MAST2: variants seen among roughly 807,000 people sequenced by gnomAD.
The protein encoded by MAST2 is microtubule associated serine/threonine kinase 2, also known as microtubule-associated serine/threonine-protein kinase 2.
In MAST2, 70 loss-of-function variants were observed where a neutral mutation model predicts 147.4. The observed-to-expected ratio is 0.47, with a 90% CI of 0.39 to 0.58. The LOEUF is 0.58. MAST2 is among the 20% of genes least tolerant of loss of function. The pLI is 0.00. For synonymous variants in MAST2, 869 were observed against 896.8 expected (o/e 0.97, Z 0.55); for missense variants, 2,080 against 2,302.3 (o/e 0.90, Z 1.98).
intron 27 of MAST2, 23 bp downstream of exon 27, chr1:46,033,961 G>C: frequency 6.2e-7 from 1 of 1,613,402 alleles, no homozygotes; most frequent in South Asian, 1.1e-5. Context: ...CAGTGAAGAG[G>C]GTTTTCTCTG....
chr1:46,023,493 G>A lies in MAST2; in HGVS notation c.1571+175G>A. ...CAGATTCCTCTGACATCCGATCATT[G>A]TTCCTTTCCCAGACAAGATTCCCAC... On this transcript the variant is annotated intron_variant, in intron 14 of 28. Transcript: ENST00000361297. The surrounding 1 kb of genome is among the most constrained non-coding windows in gnomAD (Gnocchi z 4.9). 3.1e-6 allele frequency: 2 copies of A among 647,040 alleles called. No homozygotes were observed. The highest frequency in any genetic ancestry group is 1.9e-5 in the South Asian group (1 of 52,764). The allele number at this position is 647,040 out of a possible 1,614,324, so 40.1% of individuals were successfully genotyped here. A position where few individuals can be genotyped will look rare whatever the true frequency, so the allele number is the denominator to read the frequency against.
intron 1 of MAST2, among the ~76,000 whole-genome samples, chr1:45,810,549 C>T (rs972729071): frequency 6.6e-5 from 10 of 152,008 alleles, no homozygotes; most frequent in Non-Finnish European, 8.8e-5. Context: ...TGGTGGCTCA[C>T]GCCTGTAATC....
intron 4 of MAST2, among the ~76,000 whole-genome samples, chr1:45,900,165 C>T (rs541583215): frequency 1.6e-5 from 1 of 60,946 alleles, no homozygotes; most frequent in Non-Finnish European, 2.9e-5. Flanking sequence ...GCGAGACTCT[C>T]TCTCTCTCAA....
intron 3 of MAST2, among the ~76,000 whole-genome samples, chr1:45,840,080 A>G (rs1219861063): frequency 1.3e-5 from 2 of 152,244 alleles, no homozygotes; most frequent in Non-Finnish European, 2.9e-5. Context: ...GAGTAAAAAA[A>G]GCTTAACCTA....
intron 3 of MAST2, among the ~76,000 whole-genome samples, chr1:45,840,898 A>C (rs1410710636): frequency 1.3e-5 from 2 of 152,120 alleles, no homozygotes; most frequent in Non-Finnish European, 2.9e-5. Context: ...GCCTACATGC[A>C]TTGGGGGATG....
intron 3 of MAST2, among the ~76,000 whole-genome samples, chr1:45,860,744 A>G (rs1645953860): frequency 6.6e-6 from 1 of 152,048 alleles, no homozygotes; most frequent in Non-Finnish European, 1.5e-5. Context: ...AGGCAGGAGA[A>G]TCACTTGAAC....
chr1:45,913,478 G>C lies in MAST2; in HGVS notation c.500+31083G>C, dbSNP rs577545805. 7 of 551,268 alleles carry C rather than the reference G, an allele frequency of 1.3e-5. No homozygotes were observed. In the South Asian group the frequency reaches 4.7e-4, roughly 37 times the overall value. The allele number at this position is 551,268 out of a possible 1,614,324, so 34.1% of individuals were successfully genotyped here. A position where few individuals can be genotyped will look rare whatever the true frequency, so the allele number is the denominator to read the frequency against. On this transcript the variant is annotated intron_variant, in intron 4 of 28. Transcript: ENST00000361297. Reference sequence around the variant, plus strand: ...GGGTTGGAGGTTGCAACTGATTTGTGGGGGAGGGAGTTTGGTGCTTGTCAC... The same window carrying C: ...GGGTTGGAGGTTGCAACTGATTTGTCGGGGAGGGAGTTTGGTGCTTGTCAC...
intron 4 of MAST2, among the ~76,000 whole-genome samples, chr1:45,888,263 T>C (rs1441869183): frequency 2.0e-5 from 3 of 152,222 alleles, no homozygotes; most frequent in Non-Finnish European, 2.9e-5. Context: ...TTCCTCAAGA[T>C]AGAAAATTTA....
intron 3 of MAST2, among the ~76,000 whole-genome samples, chr1:45,878,204 A>G: frequency 3.9e-5 from 1 of 25,708 alleles, no homozygotes; most frequent in South Asian, 9.9e-4. Context: ...GCTCTATCTC[A>G]AAAAAAAAAA....
intron 5 of MAST2, among the ~76,000 whole-genome samples, chr1:45,962,562 A>G (rs1660583065): frequency 6.6e-6 from 1 of 152,218 alleles, no homozygotes; most frequent in Admixed American, 6.5e-5. Context: ...GGCTGCATAA[A>G]TGTCTTCTTT....
chr1:45,834,942 CT>C (rs545789885), intron 3 of MAST2, among the ~76,000 whole-genome samples: 35 of 146,450 alleles, frequency 2.4e-4, no homozygotes, highest in South Asian at 8.7e-4. Context: ...CATTCCCTGT[CT>C]TTTTTTTTTT....
intron 4 of MAST2, among the ~76,000 whole-genome samples, chr1:45,929,575 T>C (rs1181996923): frequency 6.6e-6 from 1 of 152,208 alleles, no homozygotes; most frequent in Non-Finnish European, 1.5e-5. Flanking sequence ...CAGCAGCTTT[T>C]CTTTCATGTC....
intron 1 of MAST2, among the ~76,000 whole-genome samples, chr1:45,805,002 A>T (rs911332716): frequency 1.3e-5 from 2 of 151,538 alleles, no homozygotes; most frequent in Non-Finnish European, 2.9e-5. Context: ...AAGACTTCTT[A>T]TAGGTCTCTT....
intron 4 of MAST2, among the ~76,000 whole-genome samples, chr1:45,906,321 A>T (rs1400367595): frequency 2.0e-5 from 3 of 152,178 alleles, no homozygotes; most frequent in Admixed American, 1.3e-4. Flanking sequence ...GTGTACACTT[A>T]GGCTAAAGTG....
chr1:45,941,211 G>C (rs1464202850), intron 4 of MAST2, among the ~76,000 whole-genome samples: 1 of 152,112 alleles, frequency 6.6e-6, no homozygotes, highest in Non-Finnish European at 1.5e-5. Flanking sequence ...TTGGTGACAT[G>C]ACCAAACTTA....
intron 4 of MAST2, among the ~76,000 whole-genome samples, chr1:45,894,263 C>G (rs1287289200): frequency 1.3e-5 from 2 of 151,508 alleles, no homozygotes; most frequent in Non-Finnish European, 2.9e-5. Context: ...TTATTATTTT[C>G]TACACGTAGG....
intron 4 of MAST2, among the ~76,000 whole-genome samples, chr1:45,945,903 A>G (rs1486839002): frequency 6.6e-6 from 1 of 152,220 alleles, no homozygotes; most frequent in Non-Finnish European, 1.5e-5. Flanking sequence ...AGTCTATACT[A>G]GTTCCAAGGC....
intron 4 of MAST2, among the ~76,000 whole-genome samples, chr1:45,898,128 A>G (rs1449156430): frequency 2.6e-5 from 4 of 151,932 alleles, no homozygotes; most frequent in African/African-American, 9.7e-5. Context: ...AACAAACGAA[A>G]CCAAAAAAAG....
At chr1:45,902,699 G>C (rs1167243735) in intron 4 of MAST2, among the ~76,000 whole-genome samples, 2 of 151,656 alleles carry the variant, frequency 1.3e-5, no homozygotes, top group Admixed American at 6.6e-5. Flanking sequence ...TTTCTTCCTG[G>C]TTCATTCTTA....
Sources: gnomAD v4.1 joint callset for allele counts (sites outside exome capture counted in the v4.1 genomes callset) on GRCh38, gnomAD v4.1.1 for gene constraint, Gnocchi (gnomAD v3.1) non-coding constraint, MANE v1.5 for transcripts, NCBI Gene and HGNC (gene_info 2026-07-23, HGNC 2026-07-21) for gene names.